NEMP2: variants seen among roughly 807,000 people sequenced by gnomAD.
NEMP2 encodes the protein UPF0571 transmembrane protein.
NEMP2 carries 53 observed loss-of-function variants against 54.2 expected under a neutral mutation model. The observed-to-expected ratio is 0.98, with a 90% CI of 0.78 to 1.23. The LOEUF (loss-of-function observed/expected upper bound fraction) is 1.23. NEMP2 is among the 50% of genes most tolerant of loss of function. The pLI, the probability that NEMP2 is intolerant of heterozygous loss-of-function variation, is 0.00. For synonymous variants in NEMP2, 197 were observed against 190.3 expected, an observed-to-expected ratio of 1.04 and a Z score of -0.29; for missense variants, 455 against 511.3, an observed-to-expected ratio of 0.89 and a Z score of 1.06.
Position 190,525,270 on chromosome 2 carries a change from G to A in NEMP2, c.206C>T (p.Thr69Ile). 1 of 1,535,012 alleles carries A rather than the reference G, an allele frequency of 6.5e-7. No homozygotes were observed. Among genetic ancestry groups the A allele is most frequent in the Non-Finnish European group, 8.8e-7 (1 of 1,132,100 alleles). ...SQVEWKYIWS[T>I]MQVKITSPGL... ...TTAAAAGTAGGCCCTTACCTGCATA[G>A]TTGACCATATGTATTTCCACTCCAC... The change falls in exon 2 of 9, where the codon ACT (threonine) becomes ATT (isoleucine). Residue 69 changes from threonine to isoleucine, a missense_variant. Thr to Ile is a moderately conservative substitution (Grantham distance 89, BLOSUM62 -1). This residue lies in a region of NEMP2 where 61 missense variants were observed against 97.5 expected (regional missense o/e 0.63). Transcript: ENST00000409150. The surrounding 1 kb of genome is among the most constrained non-coding windows in gnomAD (Gnocchi z 5.0).
the NEMP2 span, among the ~76,000 whole-genome samples, chr2:190,576,182 G>C: frequency 6.6e-6 from 1 of 152,148 alleles, no homozygotes; most frequent in East Asian, 1.9e-4. Flanking sequence ...TGCTGCCCAA[G>C]CTAGTCTTGA....
upstream of NEMP2, among the ~76,000 whole-genome samples, chr2:190,538,622 CAT>C (rs59012802): frequency 0.12 from 18,304 of 151,768 alleles, 1,910 homozygotes; most frequent in African/African-American, 0.28. This position sits in a 1 kb window ranked among gnomAD's most constrained non-coding sequence, Gnocchi z 4.1. Context: ...TCCTTACCAG[CAT>C]ATGTTATTCC....
chr2:190,557,805 T>C, the NEMP2 span, among the ~76,000 whole-genome samples: 1 of 152,026 alleles, frequency 6.6e-6, no homozygotes, highest in African/African-American at 2.4e-5. Context: ...ATGGCAATCA[T>C]TAAAAAGTCA....
In NEMP2 at chr2:190,510,003, T is replaced by C. The variant is rs1690301071; in HGVS notation, c.1130+358A>G. On this transcript the variant is annotated intron_variant, in intron 8 of 8. Transcript: ENST00000409150. The surrounding 1 kb of genome is among the most constrained non-coding windows in gnomAD (Gnocchi z 5.7). The stretch of plus-strand genomic sequence containing the variant: ...TTGCAATGAGCTGAGATTGCACCAT[T>C]GCACTCCAGCCTGGGTGACAGAGCA... 6.6e-6 allele frequency among the ~76,000 whole-genome samples: 1 copy of C among 152,224 alleles called. No individual in the cohort carries two copies. The highest frequency in any genetic ancestry group is 1.5e-5 in the Non-Finnish European group (1 of 68,040).
chr2:190,478,494 GGTTT>G, the NEMP2 span, among the ~76,000 whole-genome samples: 7 of 152,198 alleles, frequency 4.6e-5, no homozygotes, highest in Non-Finnish European at 1.0e-4. Context: ...TGACTGAAGA[GGTTT>G]GTTTTGCTAG....
chr2:190,477,996 CA>C, the NEMP2 span, among the ~76,000 whole-genome samples: 1 of 152,268 alleles, frequency 6.6e-6, no homozygotes, highest in African/African-American at 2.4e-5. Context: ...ATGGCCTCTT[CA>C]GGGAGCATAA....
At chr2:190,591,378 C>G in the NEMP2 span, among the ~76,000 whole-genome samples, 1 of 152,100 alleles carries the variant, frequency 6.6e-6, no homozygotes, top group African/African-American at 2.4e-5. This position sits in a 1 kb window ranked among gnomAD's most constrained non-coding sequence, Gnocchi z 5.4. Flanking sequence ...GTTGTGAAAG[C>G]ACCTCTCATG....
the NEMP2 span, among the ~76,000 whole-genome samples, chr2:190,581,572 A>G: frequency 1.3e-5 from 2 of 152,340 alleles, no homozygotes; most frequent in South Asian, 2.1e-4. Flanking sequence ...GTGCGTGCAC[A>G]TGATTCTGAC....
At chr2:190,608,373 C>T in the NEMP2 span, 1 of 152,032 alleles carries the variant, frequency 6.6e-6, no homozygotes, top group Non-Finnish European at 1.5e-5. This position sits in a 1 kb window ranked among gnomAD's most constrained non-coding sequence, Gnocchi z 4.9. Context: ...CTGAAATTAA[C>T]AAAATTTATA....
the NEMP2 span, among the ~76,000 whole-genome samples, chr2:190,602,804 G>A: frequency 6.6e-6 from 1 of 152,214 alleles, no homozygotes; most frequent in African/African-American, 2.4e-5. Flanking sequence ...AAAATCAGGA[G>A]CTGTAGGCAA....
chr2:190,536,677 A>G (rs7574871), upstream of NEMP2, among the ~76,000 whole-genome samples: 35,705 of 152,156 alleles, frequency 0.23, 5,052 homozygotes, highest in South Asian at 0.33. Context: ...ACCTCTCTGT[A>G]ACACAGGCAT....
the NEMP2 span, among the ~76,000 whole-genome samples, chr2:190,564,261 TATC>T: frequency 1.3e-5 from 2 of 152,236 alleles, no homozygotes; most frequent in African/African-American, 4.8e-5. This position sits in a 1 kb window ranked among gnomAD's most constrained non-coding sequence, Gnocchi z 4.2. Context: ...GCTTTTTAAA[TATC>T]ATAACTAATG....
the NEMP2 span, among the ~76,000 whole-genome samples, chr2:190,431,556 C>T: frequency 1.3e-5 from 2 of 152,194 alleles, no homozygotes; most frequent in East Asian, 3.9e-4. The surrounding 1 kb of genome is among the most constrained non-coding windows in gnomAD (Gnocchi z 4.4). Flanking sequence ...AATACGAAAA[C>T]CAGTCAGGTG....
chr2:190,532,726 G>C (rs1291711404), intron 1 of NEMP2, among the ~76,000 whole-genome samples: 1 of 152,190 alleles, frequency 6.6e-6, no homozygotes, highest in Non-Finnish European at 1.5e-5. Flanking sequence ...GGAAGTACCA[G>C]CTGTTTCCTC....
At chr2:190,579,842 T>A in the NEMP2 span, among the ~76,000 whole-genome samples, 1 of 152,188 alleles carries the variant, frequency 6.6e-6, no homozygotes, top group Non-Finnish European at 1.5e-5. Flanking sequence ...TCCAACTTAG[T>A]GGAGTACTGA....
the NEMP2 span, among the ~76,000 whole-genome samples, chr2:190,632,816 A>C: frequency 6.6e-6 from 1 of 152,246 alleles, no homozygotes; most frequent in Non-Finnish European, 1.5e-5. The surrounding 1 kb of genome is among the most constrained non-coding windows in gnomAD (Gnocchi z 4.8). Context: ...TCCATGACCA[A>C]GCAGTAATAT....
the NEMP2 span, among the ~76,000 whole-genome samples, chr2:190,460,899 A>C: frequency 6.6e-5 from 10 of 152,322 alleles, no homozygotes; most frequent in East Asian, 1.9e-3. Flanking sequence ...AGCAATTTTG[A>C]TGCAGATGTT....
chr2:190,468,574 T>A, the NEMP2 span, among the ~76,000 whole-genome samples: 6 of 151,002 alleles, frequency 4.0e-5, no homozygotes, highest in Non-Finnish European at 7.4e-5. Context: ...TACCTCAGCC[T>A]CCCAAGTAGC....
At chr2:190,500,276 G>A, downstream of NEMP2, 1 of 1,589,762 alleles carries the variant, frequency 6.3e-7, no homozygotes, top group Non-Finnish European at 8.6e-7. This position sits in a 1 kb window ranked among gnomAD's most constrained non-coding sequence, Gnocchi z 5.3. Flanking sequence ...CAGGACACAG[G>A]GTGAGGCCCC....
Sources: gnomAD v4.1 joint callset for allele counts (sites outside exome capture counted in the v4.1 genomes callset) on GRCh38, gnomAD v4.1.1 for gene constraint, gnomAD v4.1.1 regional missense constraint, Gnocchi (gnomAD v3.1) non-coding constraint, MANE v1.5 for transcripts, NCBI Gene and HGNC (gene_info 2026-07-23, HGNC 2026-07-21) for gene names.